Variants in TEX11 observed in about 807,000 individuals in gnomAD.
TEX11 encodes the protein testis-expressed protein 11.
In TEX11, 7 loss-of-function variants were observed where a neutral mutation model predicts 84.4. The observed-to-expected ratio is 0.08, with a 90% CI of 0.05 to 0.16. The LOEUF (loss-of-function observed/expected upper bound fraction) is 0.16. Ranked by LOEUF, TEX11 falls within the 10% of genes least tolerant of loss-of-function variation. The pLI is 1.00. For missense variants in TEX11, 551 were observed against 660.5 expected, an observed-to-expected ratio of 0.83 and a Z score of 1.82; for synonymous variants, 264 against 222.8, an observed-to-expected ratio of 1.18 and a Z score of -1.64.
intron 26 of TEX11, 84 bp from the exon 27 acceptor site, chrX:70,553,498 T>G: frequency 9.0e-6 from 5 of 555,416 alleles, no homozygotes; most frequent in Non-Finnish European, 1.4e-5. Context: ...TTGCTTTCTC[T>G]AATGAAACTG....
chrX:70,637,359 T>C (rs1297377199), intron 17 of TEX11, among the ~76,000 whole-genome samples: 1 of 112,722 alleles, frequency 8.9e-6, no homozygotes, highest in African/African-American at 3.2e-5. Flanking sequence ...AGTATGGTGA[T>C]TTCTCGAAGA....
chrX:70,521,462 A>T, the TEX11 span, among the ~76,000 whole-genome samples: 6 of 110,552 alleles, frequency 5.4e-5, no homozygotes, highest in African/African-American at 2.0e-4. Context: ...TTTTTAGTAG[A>T]GATGGGGTTT....
intron 7 of TEX11, among the ~76,000 whole-genome samples, chrX:70,844,647 C>A (rs1158178722): frequency 9.0e-6 from 1 of 111,545 alleles, no homozygotes; most frequent in Non-Finnish European, 1.9e-5. Context: ...TGTATTTAGG[C>A]AGTGGCTCAT....
Position 70,841,336 on chromosome X carries a change from C to T in TEX11, c.526-7743G>A, listed in dbSNP as rs769230961. Among the ~76,000 whole-genome samples the T allele has an allele frequency of 5.4e-5, 6 of 111,290 alleles. No homozygotes were observed. In the South Asian group the frequency reaches 2.3e-3, roughly 43 times the overall value. On this transcript the variant is annotated intron_variant, in intron 7 of 29. Transcript: ENST00000374333. ...TCAGGATTAAGAAACTGACTCAAAA[C>T]CGCTCAACTACATGGAAACTGAACA...
At chrX:70,776,429 G>T (rs1410397866) in intron 9 of TEX11, among the ~76,000 whole-genome samples, 1 of 109,785 alleles carries the variant, frequency 9.1e-6, no homozygotes, top group African/African-American at 3.3e-5. Context: ...CAGGCGTGGT[G>T]GTGCACGCCT....
rs146892693 is a variant in TEX11, at chrX:70,809,062, A to G, written c.607-2272T>C. 7.3e-3 allele frequency among the ~76,000 whole-genome samples: 823 copies of G among 112,081 alleles called. 6 individuals are homozygous for G. Among genetic ancestry groups the G allele is most frequent in the African/African-American group, 0.025 (763 of 30,896 alleles). Reference sequence around the variant, plus strand: ...GGAGTTGAAAGGAATTCCCAAGTCAATGGAGGAGGAAAATCTCAAAACGAT... The same window carrying G: ...GGAGTTGAAAGGAATTCCCAAGTCAGTGGAGGAGGAAAATCTCAAAACGAT... On this transcript the variant is annotated intron_variant, in intron 8 of 29. Coordinates refer to ENST00000374333, the MANE Select transcript of TEX11 (RefSeq NM_031276.3).
intron 7 of TEX11, among the ~76,000 whole-genome samples, chrX:70,837,519 C>G (rs12555984): frequency 0.23 from 24,851 of 109,977 alleles, 2,182 homozygotes; most frequent in Admixed American, 0.41. Context: ...GCCGAGATCA[C>G]GCCATTGCAC....
chrX:70,874,874 G>C (rs1335132892), intron 3 of TEX11, among the ~76,000 whole-genome samples: 1 of 110,567 alleles, frequency 9.0e-6, no homozygotes, highest in Admixed American at 9.6e-5. Context: ...AAGCAATTTG[G>C]CAACATATAA....
In TEX11 at chrX:70,530,046, A is replaced by T. The variant is rs763757854; in HGVS notation, c.2521-47T>A. 2.7e-5 allele frequency: 28 copies of T among 1,053,758 alleles called. No homozygotes were observed. The Admixed American group carries it at 5.4e-4, about 20-fold the overall frequency. 86.8% of individuals were successfully genotyped at this position (1,053,758 alleles called of 1,213,427 possible). A position where few individuals can be genotyped will look rare whatever the true frequency, so the allele number is the denominator to read the frequency against. On this transcript the variant is annotated intron_variant, in intron 28 of 29. Transcript: ENST00000374333. Reference sequence around the variant, plus strand: ...TTTGCAGTTATTACTGTCACAGTTCATTGTGGCACTACCTGTATCCATGCT... The same window carrying T: ...TTTGCAGTTATTACTGTCACAGTTCTTTGTGGCACTACCTGTATCCATGCT...
intron 25 of TEX11, among the ~76,000 whole-genome samples, chrX:70,566,959 G>T (rs2088492449): frequency 9.0e-6 from 1 of 111,650 alleles, no homozygotes; most frequent in Non-Finnish European, 1.9e-5. Flanking sequence ...CTACTGATTG[G>T]AATAGTTTCA....
rs753573687 is a variant in TEX11, at chrX:70,788,685, AACACACAC to A, written c.692+18012_692+18019del. 2.6e-4 allele frequency among the ~76,000 whole-genome samples: 18 copies of A among 69,453 alleles called. No individual in the cohort carries two copies. The South Asian group carries it at 2.9e-3, about 11-fold the overall frequency. The allele number at this position is 69,453 out of a possible 115,157, so 60.3% of individuals were successfully genotyped here. A position where few individuals can be genotyped will look rare whatever the true frequency, so the allele number is the denominator to read the frequency against. On this transcript the variant is annotated intron_variant, in intron 9 of 29. Transcript: ENST00000374333. The stretch of plus-strand genomic sequence containing the variant: ...ATCAGAAAATGTAAATCTCTTGGGA[AACACACAC>A]ACACACACACACACACACACACACA...
At chrX:70,539,326 G>A (rs2088010326) in intron 28 of TEX11, among the ~76,000 whole-genome samples, 1 of 109,700 alleles carries the variant, frequency 9.1e-6, no homozygotes, top group Admixed American at 9.9e-5. Flanking sequence ...GAGCCACCGT[G>A]CCCGGCCGGA....
chrX:70,729,566 A>G (rs1387747672), intron 11 of TEX11, among the ~76,000 whole-genome samples: 2 of 112,033 alleles, frequency 1.8e-5, no homozygotes, highest in African/African-American at 6.5e-5. Context: ...TCAGTGATGG[A>G]AGATCAAATG....
At chrX:70,636,871 A>G (rs1197531460) in intron 17 of TEX11, among the ~76,000 whole-genome samples, 1 of 112,011 alleles carries the variant, frequency 8.9e-6, no homozygotes, top group African/African-American at 3.2e-5. Context: ...ACCATGCAAA[A>G]CAGCCTACCC....
chrX:70,855,050 T>TA (rs775907308), intron 5 of TEX11, among the ~76,000 whole-genome samples: 1 of 110,647 alleles, frequency 9.0e-6, no homozygotes, highest in African/African-American at 3.3e-5. Context: ...CCTGTCTCAA[T>TA]AAAAAGTATA....
intron 17 of TEX11, among the ~76,000 whole-genome samples, chrX:70,646,805 T>C (rs1211907454): frequency 1.8e-5 from 2 of 112,111 alleles, no homozygotes; most frequent in Non-Finnish European, 3.8e-5. Context: ...ATAGCCATCA[T>C]GGAAAGCAGT....
Position 70,860,841 on chromosome X carries a change from C to T in TEX11, c.324+16G>A, listed in dbSNP as rs1210052339. 1.8e-6 allele frequency: 2 copies of T among 1,142,808 alleles called. No individual in the cohort carries two copies. Among genetic ancestry groups the T allele is most frequent in the African/African-American group, 3.6e-5 (2 of 55,072 alleles). 94.2% of individuals were successfully genotyped at this position (1,142,808 alleles called of 1,213,427 possible). A position where few individuals can be genotyped will look rare whatever the true frequency, so the allele number is the denominator to read the frequency against. On this transcript the variant is annotated intron_variant, in intron 5 of 29. Coordinates refer to ENST00000374333, the MANE Select transcript of TEX11 (RefSeq NM_031276.3). ...CATCTCATTTCATCTCCACTTTCTC[C>T]TAAATTAAGACTTACCATAATCAGT...
At chrX:70,864,870 C>G (rs2091590556) in intron 4 of TEX11, among the ~76,000 whole-genome samples, 1 of 110,541 alleles carries the variant, frequency 9.0e-6, no homozygotes, top group Admixed American at 9.8e-5. Context: ...ACCACCAGGC[C>G]TGCCTTACAA....
At chrX:70,811,150 T>C (rs889330363) in intron 8 of TEX11, among the ~76,000 whole-genome samples, 9 of 110,917 alleles carry the variant, frequency 8.1e-5, no homozygotes, top group African/African-American at 3.0e-4. Flanking sequence ...ACATTAGGTA[T>C]ATCTCCTAAT....
Sources: gnomAD v4.1 joint callset for allele counts (sites outside exome capture counted in the v4.1 genomes callset) on GRCh38, gnomAD v4.1.1 for gene constraint, MANE v1.5 for transcripts, NCBI Gene and HGNC (gene_info 2026-07-23, HGNC 2026-07-21) for gene names.